MTSS1: variants seen among roughly 807,000 people sequenced by gnomAD.
The protein encoded by MTSS1 is MTSS I-BAR domain containing 1.
A neutral mutation model predicts 79.0 loss-of-function variants in MTSS1; 18 were observed. The ratio of observed to expected loss-of-function variants is 0.23; its 90% CI spans 0.16 to 0.34. The LOEUF is 0.34. MTSS1 is among the 10% of genes least tolerant of loss of function. The pLI is 1.00. For missense variants in MTSS1, 815 were observed against 986.2 expected (o/e 0.83, Z 2.33); for synonymous variants, 341 against 368.6 (o/e 0.93, Z 0.86).
Position 124,582,514 on chromosome 8 carries a change from CAG to C in MTSS1, c.460+2571_460+2572del, listed in dbSNP as rs1563795105. ...TCCAGAGAATTTTTAGATCAAAGAT[CAG>C]AGTTTTTGAAAAAGGCATGGCAGGA... On this transcript the variant is annotated intron_variant, in intron 6 of 13. Coordinates refer to ENST00000518547, the MANE Select transcript of MTSS1 (RefSeq NM_014751.6). The surrounding 1 kb of genome is among the most constrained non-coding windows in gnomAD (Gnocchi z 4.8). 6.6e-6 allele frequency among the ~76,000 whole-genome samples: 1 copy of C among 151,722 alleles called. No homozygotes were observed. Among genetic ancestry groups the C allele is most frequent in the African/African-American group, 2.4e-5 (1 of 41,288 alleles).
intron 3 of MTSS1, among the ~76,000 whole-genome samples, chr8:124,600,017 C>T (rs1179076263): frequency 6.6e-6 from 1 of 150,466 alleles, no homozygotes; most frequent in Non-Finnish European, 1.5e-5. Context: ...CTGGCGTAGG[C>T]TCAAACGTAG....
At chr8:124,716,809 C>A (rs16899964) in intron 1 of MTSS1, among the ~76,000 whole-genome samples, 1 of 151,946 alleles carries the variant, frequency 6.6e-6, no homozygotes, top group Non-Finnish European at 1.5e-5. Flanking sequence ...ATGTAATCCA[C>A]GGTGGTGAGC....
At chr8:124,561,682 C>T (rs1187571887) in intron 10 of MTSS1, among the ~76,000 whole-genome samples, 3 of 152,108 alleles carry the variant, frequency 2.0e-5, no homozygotes, top group Admixed American at 2.0e-4. Flanking sequence ...TTATGCTGCA[C>T]ACTAGAACAG....
intron 3 of MTSS1, among the ~76,000 whole-genome samples, chr8:124,686,918 G>A (rs1031246314): frequency 1.3e-5 from 2 of 152,122 alleles, no homozygotes; most frequent in Non-Finnish European, 2.9e-5. Context: ...CAGCTTCAAA[G>A]TTGTGTGCCA....
At position 124,557,717 on chromosome 8, in the gene MTSS1, G is replaced by A. The variant is rs747612756; in HGVS notation, c.1194C>T (p.Pro398=). 4.4e-6 allele frequency: 7 copies of A among 1,594,348 alleles called. No individual in the cohort carries two copies. The South Asian group carries it at 4.6e-5, about 10-fold the overall frequency. Residue 398 remains proline, a synonymous_variant, in exon 11 of 14, where the codon CCC becomes CCT. Coordinates refer to ENST00000518547, the MANE Select transcript of MTSS1 (RefSeq NM_014751.6). ...PDYAHYYTIG[P]GMFPSSQIPS... ...GGATCTGAGATGACGGGAACATGCC[G>A]GGCCCAATGGTGTAATAATGAGCGT...
intron 3 of MTSS1, among the ~76,000 whole-genome samples, chr8:124,605,647 G>A (rs958110132): frequency 2.3e-5 from 3 of 128,258 alleles, no homozygotes; most frequent in South Asian, 2.8e-4. Flanking sequence ...CTGGGCTCCC[G>A]TTGGAGATCA....
chr8:124,699,500 C>A, intron 3 of MTSS1, 26 bp downstream of exon 3: 1 of 1,611,328 alleles, frequency 6.2e-7, no homozygotes, highest in Non-Finnish European at 8.5e-7. Context: ...GCAGTTAACA[C>A]TGGGAGTCAG....
intron 3 of MTSS1, among the ~76,000 whole-genome samples, chr8:124,601,044 A>T (rs1465419003): frequency 1.4e-5 from 2 of 142,932 alleles, no homozygotes; most frequent in Non-Finnish European, 3.0e-5. Context: ...CCTTGACCCT[A>T]GGTTTCCCTT....
At chr8:124,686,638 C>T (rs1773421123) in intron 3 of MTSS1, among the ~76,000 whole-genome samples, 1 of 152,170 alleles carries the variant, frequency 6.6e-6, no homozygotes, top group South Asian at 2.1e-4. Context: ...GATTCTCAAC[C>T]AGGGCTGATC....
intron 3 of MTSS1, among the ~76,000 whole-genome samples, chr8:124,635,077 C>T (rs907527316): frequency 2.0e-5 from 3 of 152,220 alleles, no homozygotes; most frequent in Admixed American, 2.0e-4. Context: ...AGTTAACGCT[C>T]AATGCCTAGC....
At chr8:124,563,289 T>C in intron 9 of MTSS1, 1 of 400,614 alleles carries the variant, frequency 2.5e-6, no homozygotes, top group Non-Finnish European at 4.6e-6. Context: ...AGGTCTGGGG[T>C]TCTAAAACGT....
chr8:124,591,384 C>T, intron 3 of MTSS1, 149 bp from the exon 4 acceptor site: 2 of 652,580 alleles, frequency 3.1e-6, no homozygotes, highest in Non-Finnish European at 5.4e-6. Flanking sequence ...CCCATGTGTG[C>T]ATACACACAG....
rs1251602948 is a variant in MTSS1 at position 124,676,534 on chromosome 8, A to T, written c.208+22992T>A. Among the ~76,000 whole-genome samples the T allele has an allele frequency of 2.6e-5, 4 of 152,228 alleles. No homozygotes were observed. The East Asian group carries it at 5.8e-4, about 22-fold the overall frequency. ...CTGGCCAGCCTTCTGCTGCTCTGCT[A>T]CAGGTCTGGGCAAATGAAAGAACGT... On this transcript the variant is annotated intron_variant, in intron 3 of 13. Coordinates refer to ENST00000518547, the MANE Select transcript of MTSS1 (RefSeq NM_014751.6).
chr8:124,671,737 C>T (rs894505458), intron 3 of MTSS1, among the ~76,000 whole-genome samples: 7 of 152,172 alleles, frequency 4.6e-5, no homozygotes, highest in East Asian at 1.9e-4. Flanking sequence ...CAACACCAGA[C>T]GCCTCTTATA....
At chr8:124,709,431 G>C (rs921772123) in intron 1 of MTSS1, among the ~76,000 whole-genome samples, 2 of 152,082 alleles carry the variant, frequency 1.3e-5, no homozygotes, top group African/African-American at 2.4e-5. Context: ...ACACATAAAG[G>C]CTTCACAACG....
intron 3 of MTSS1, among the ~76,000 whole-genome samples, chr8:124,601,706 C>T (rs1226917439): frequency 6.6e-6 from 1 of 152,196 alleles, no homozygotes; most frequent in Non-Finnish European, 1.5e-5. Context: ...GCCACTCTGG[C>T]TGGACCGAGC....
At chr8:124,716,193 T>G (rs1831946448) in intron 1 of MTSS1, among the ~76,000 whole-genome samples, 1 of 152,164 alleles carries the variant, frequency 6.6e-6, no homozygotes, top group South Asian at 2.1e-4. Flanking sequence ...AGATATAAAG[T>G]GCTGGACAGT....
In MTSS1 at chr8:124,612,695, A is replaced by G. The variant is rs3110540; in HGVS notation, c.209-21460T>C. 3.3e-5 allele frequency among the ~76,000 whole-genome samples: 5 copies of G among 151,964 alleles called. No homozygotes were observed. In the East Asian group the frequency reaches 9.7e-4, roughly 29 times the overall value. On this transcript the variant is annotated intron_variant, in intron 3 of 13. Coordinates refer to ENST00000518547, the MANE Select transcript of MTSS1 (RefSeq NM_014751.6). ...AAGAAACACAAGTGAACCTAACGGC[A>G]GGGACAGATTTCATCACCAGGCAAT...
chr8:124,606,126 C>T (rs1324817760), intron 3 of MTSS1, among the ~76,000 whole-genome samples: 1 of 150,880 alleles, frequency 6.6e-6, no homozygotes, highest in Non-Finnish European at 1.5e-5. Context: ...CAGGCATGTG[C>T]CACCATGCCC....
Sources: allele counts gnomAD v4.1 joint callset (sites outside exome capture counted in the v4.1 genomes callset), GRCh38; gene constraint gnomAD v4.1.1; non-coding constraint Gnocchi (gnomAD v3.1); transcripts MANE v1.5; gene names NCBI Gene and HGNC (gene_info 2026-07-23, HGNC 2026-07-21).